Variants in GATAD2A observed in about 807,000 individuals in gnomAD.
GATAD2A encodes the protein GATA zinc finger domain containing 2A, also known as transcriptional repressor p66-alpha.
A neutral mutation model predicts 68.5 loss-of-function variants in GATAD2A; 12 were observed. The observed-to-expected ratio is 0.18, with a 90% CI of 0.11 to 0.28. GATAD2A has a LOEUF of 0.28. GATAD2A is among the 10% of genes least tolerant of loss of function. The pLI is 1.00. For synonymous variants in GATAD2A, 410 were observed against 375.3 expected, an observed-to-expected ratio of 1.09 and a Z score of -1.07; for missense variants, 755 against 868.5, an observed-to-expected ratio of 0.87 and a Z score of 1.64.
At chr19:19,502,165 C>T (rs1454674778) in intron 10 of GATAD2A, 122 bp downstream of exon 10, 1 of 884,642 alleles carries the variant, frequency 1.1e-6, no homozygotes, top group Admixed American at 2.2e-5. Flanking sequence ...CACTCTCTCC[C>T]CTCCCCCACC....
At chr19:19,401,191 A>G (rs191018781), upstream of GATAD2A, among the ~76,000 whole-genome samples, 485 of 141,824 alleles carry the variant, frequency 3.4e-3, 6 homozygotes, top group South Asian at 0.031. Flanking sequence ...CATAAAGGTG[A>G]TTAAAAGAAA....
At chr19:19,485,475 T>C (rs2059371166) in intron 2 of GATAD2A, among the ~76,000 whole-genome samples, 2 of 152,210 alleles carry the variant, frequency 1.3e-5, no homozygotes, top group Admixed American at 6.5e-5. Context: ...GACCAGTCTC[T>C]GTGCCTGTCT....
At chr19:19,467,005 G>A (rs955311034) in intron 2 of GATAD2A, among the ~76,000 whole-genome samples, 1 of 152,182 alleles carries the variant, frequency 6.6e-6, no homozygotes, top group African/African-American at 2.4e-5. Context: ...TTGCTGACAT[G>A]CATTTTCTCC....
chr19:19,413,191 TTG>T (rs1188919884), intron 1 of GATAD2A, among the ~76,000 whole-genome samples: 1 of 152,230 alleles, frequency 6.6e-6, no homozygotes, highest in African/African-American at 2.4e-5. Flanking sequence ...TTTAGTTCTC[TTG>T]TGTGTTTAGC....
intron 2 of GATAD2A, among the ~76,000 whole-genome samples, chr19:19,471,034 T>C (rs1386125748): frequency 1.3e-5 from 2 of 152,114 alleles, no homozygotes. Context: ...GGCAGGCGGA[T>C]CACCTGAGGT....
chr19:19,390,972 A>C (rs1038029169), intron 1 of GATAD2A, among the ~76,000 whole-genome samples: 3 of 152,196 alleles, frequency 2.0e-5, no homozygotes, highest in Admixed American at 1.3e-4. Flanking sequence ...ATGCACCTCA[A>C]GCTCCCAAGG....
intron 1 of GATAD2A, among the ~76,000 whole-genome samples, chr19:19,407,842 G>A (rs1426189641): frequency 6.6e-6 from 1 of 152,210 alleles, no homozygotes; most frequent in Admixed American, 6.5e-5. Flanking sequence ...TGGGAAATTT[G>A]CAAGGGATTT....
At chr19:19,436,757 C>G (rs773753040) in intron 1 of GATAD2A, among the ~76,000 whole-genome samples, 2 of 152,230 alleles carry the variant, frequency 1.3e-5, no homozygotes, top group Non-Finnish European at 2.9e-5. Flanking sequence ...CTGTTACCAT[C>G]AAGCCTGGTC....
At chr19:19,436,764 G>C (rs2054404147) in intron 1 of GATAD2A, among the ~76,000 whole-genome samples, 1 of 152,214 alleles carries the variant, frequency 6.6e-6, no homozygotes, top group Non-Finnish European at 1.5e-5. Context: ...CATCAAGCCT[G>C]GTCAGCGACG....
chr19:19,449,494 T>C (rs554673626), intron 1 of GATAD2A, among the ~76,000 whole-genome samples: 1 of 152,162 alleles, frequency 6.6e-6, no homozygotes, highest in South Asian at 2.1e-4. Flanking sequence ...ACCTGGAAGG[T>C]TTTATTTTTA....
Position 19,494,521 on chromosome 19 carries a change from G to A in GATAD2A, c.624+138G>A. 3 of 587,132 alleles carry A rather than the reference G, an allele frequency of 5.1e-6. No homozygotes were observed. The South Asian group carries it at 6.1e-5, about 12-fold the overall frequency. 36.4% of individuals were successfully genotyped at this position (587,132 alleles called of 1,614,324 possible). On this transcript the variant is annotated intron_variant, in intron 5 of 11. Transcript: ENST00000683918. ...TTCCTTCTGAGTAGGCTGGAGTGAG[G>A]CCCTCCAGCCCACAGCCTAGGGGAA...
chr19:19,442,784 A>C (rs534618249), intron 1 of GATAD2A, among the ~76,000 whole-genome samples: 2 of 152,106 alleles, frequency 1.3e-5, no homozygotes, highest in East Asian at 1.9e-4. Flanking sequence ...AAAAAAAAAA[A>C]AAAACCCACA....
chr19:19,423,366 TGTTATA>T (rs1401132582), intron 1 of GATAD2A, among the ~76,000 whole-genome samples: 2 of 152,346 alleles, frequency 1.3e-5, no homozygotes, highest in East Asian at 3.9e-4. Context: ...ATTTTGCCAT[TGTTATA>T]GTTTCTTCAT....
rs1324400980 is a variant in GATAD2A at position 19,405,929 on chromosome 19, G to GCGCCCCCGT, written c.-96_-95insGCCCCCGTC. On this transcript the variant is annotated 5_prime_UTR_variant, in exon 1 of 12. Transcript: ENST00000683918. ...GAGCGCGCGCGGCCCGGCGTCCCCGGCCCCTCCGCCGCCCGGCCCCGCGGG... is the reference window on the plus strand; with the variant it reads ...GAGCGCGCGCGGCCCGGCGTCCCCGGCGCCCCCGTCCCCTCCGCCGCCCGGCCCCGCGGG... 7 of 147,258 alleles carry GCGCCCCCGT rather than the reference G, an allele frequency of 4.8e-5. No homozygotes were observed. Among genetic ancestry groups the GCGCCCCCGT allele is most frequent in the Admixed American group, 2.0e-4 (3 of 14,836 alleles). 9.1% of individuals were successfully genotyped at this position (147,258 alleles called of 1,614,324 possible). A position where few individuals can be genotyped will look rare whatever the true frequency, so the allele number is the denominator to read the frequency against.
chr19:19,460,030 G>A (rs985165772), intron 1 of GATAD2A, among the ~76,000 whole-genome samples: 4 of 152,240 alleles, frequency 2.6e-5, no homozygotes, highest in Non-Finnish European at 5.9e-5. Flanking sequence ...AGCAGATGGA[G>A]GTGTCTGTTC....
At chr19:19,471,846 C>T (rs921184520) in intron 2 of GATAD2A, among the ~76,000 whole-genome samples, 8 of 151,764 alleles carry the variant, frequency 5.3e-5, no homozygotes, top group Non-Finnish European at 7.4e-5. Flanking sequence ...GCCCCTATGC[C>T]GAGTCTGGAC....
chr19:19,500,376 T>TC (rs1245745840), intron 8 of GATAD2A, among the ~76,000 whole-genome samples: 2 of 151,762 alleles, frequency 1.3e-5, no homozygotes, highest in African/African-American at 4.8e-5. Context: ...CACATCCATC[T>TC]CCCCACCCCC....
Position 19,495,788 on chromosome 19 carries a change from C to T in GATAD2A, c.659C>T (p.Pro220Leu), listed in dbSNP as rs764798832. ...GCTCGGATGCCCGGCAGTGTCATAC[C>T]CCCGCCCCTGGTCCGAGGTGGGCAG... ...SSARMPGSVIPPPLVRGGQQA... is the reference protein window; with the variant it reads ...SSARMPGSVILPPLVRGGQQA... Residue 220 changes from proline to leucine, a missense_variant, in exon 6 of 12, where the codon CCC becomes CTC. By Grantham distance (98) the Pro-to-Leu change is moderately conservative. Transcript: ENST00000683918. 9.3e-6 allele frequency: 15 copies of T among 1,613,580 alleles called. No homozygotes were observed. Among genetic ancestry groups the T allele is most frequent in the Middle Eastern group, 1.7e-4 (1 of 6,050 alleles).
chr19:19,409,788 T>TC (rs1205137547), intron 1 of GATAD2A, among the ~76,000 whole-genome samples: 3 of 152,282 alleles, frequency 2.0e-5, no homozygotes, highest in East Asian at 1.9e-4. Flanking sequence ...GAGCATGGGT[T>TC]CCCCAGCATC....
Sources: gnomAD v4.1 joint callset for allele counts (sites outside exome capture counted in the v4.1 genomes callset) on GRCh38, gnomAD v4.1.1 for gene constraint, MANE v1.5 for transcripts, NCBI Gene and HGNC (gene_info 2026-07-23, HGNC 2026-07-21) for gene names.